TAF1B: variants seen among roughly 807,000 people sequenced by gnomAD.
TAF1B encodes TATA box-binding protein-associated factor RNA polymerase I subunit B.
In TAF1B, 61 loss-of-function variants were observed where a neutral mutation model predicts 83.9. The ratio of observed to expected loss-of-function variants is 0.73; its 90% confidence interval spans 0.59 to 0.90. The LOEUF is 0.90. Among genes scored for constraint, TAF1B ranks in the 40% least tolerant of loss-of-function variants. TAF1B has a pLI of 0.00. For missense variants in TAF1B, 625 were observed against 677.0 expected (o/e 0.92, Z 0.85); for synonymous variants, 221 against 224.6 (o/e 0.98, Z 0.14).
chr2:9,846,133 G>C, intron 2 of TAF1B: 1 of 468,848 alleles, frequency 2.1e-6, no homozygotes, highest in South Asian at 1.6e-5. Context: ...CCTATTGATA[G>C]GGCTCAGAAG....
chr2:9,869,294 G>A (rs1423124609), intron 6 of TAF1B, among the ~76,000 whole-genome samples: 4 of 151,698 alleles, frequency 2.6e-5, no homozygotes, highest in South Asian at 2.1e-4. Context: ...GTGCAATCTC[G>A]GCTCACTGCA....
At chr2:9,889,782 G>T (rs1013130508) in intron 8 of TAF1B, among the ~76,000 whole-genome samples, 32 of 152,042 alleles carry the variant, frequency 2.1e-4, no homozygotes, top group African/African-American at 7.7e-4. Context: ...GTTATTAATA[G>T]TCCCTTTTTT....
chr2:9,925,399 C>T (rs1360385316), intron 14 of TAF1B, among the ~76,000 whole-genome samples: 1 of 151,888 alleles, frequency 6.6e-6, no homozygotes, highest in Non-Finnish European at 1.5e-5. Context: ...AAGATTGTGC[C>T]ACTGCACTCC....
At chr2:9,911,418 A>C in intron 10 of TAF1B, 93 bp from the exon 11 acceptor site, 1 of 962,104 alleles carries the variant, frequency 1.0e-6, no homozygotes, top group African/African-American at 1.7e-5. Flanking sequence ...AATTTCAAAT[A>C]CTGTTCTACA....
chr2:9,892,303 C>G (rs1438926696), intron 8 of TAF1B, among the ~76,000 whole-genome samples: 1 of 152,174 alleles, frequency 6.6e-6, no homozygotes, highest in Non-Finnish European at 1.5e-5. Flanking sequence ...TGTAAGTACA[C>G]TCTTCACACA....
At chr2:9,869,914 T>G (rs1664113041) in intron 6 of TAF1B, among the ~76,000 whole-genome samples, 1 of 152,004 alleles carries the variant, frequency 6.6e-6, no homozygotes, top group South Asian at 2.1e-4. Flanking sequence ...AATATAAAAC[T>G]ATAAAATGCA....
intron 9 of TAF1B, among the ~76,000 whole-genome samples, chr2:9,908,149 C>A (rs1344669183): frequency 7.0e-6 from 1 of 142,336 alleles, no homozygotes; most frequent in Non-Finnish European, 1.5e-5. Flanking sequence ...ACGTTCACAC[C>A]ATTCTCCTGC....
chr2:9,932,830 G>A (rs540864546), intron 14 of TAF1B, among the ~76,000 whole-genome samples: 144 of 152,056 alleles, frequency 9.5e-4, no homozygotes, highest in African/African-American at 3.3e-3. Flanking sequence ...GGCTCTGCCC[G>A]GTTTGAGCTT....
At chr2:9,863,558 G>A (rs907952662) in intron 5 of TAF1B, among the ~76,000 whole-genome samples, 1 of 152,128 alleles carries the variant, frequency 6.6e-6, no homozygotes, top group Admixed American at 6.6e-5. Flanking sequence ...AGTTAACAAG[G>A]ATATCCAGGA....
intron 8 of TAF1B, among the ~76,000 whole-genome samples, chr2:9,890,930 CTGG>C (rs1664853171): frequency 6.6e-6 from 1 of 152,172 alleles, no homozygotes; most frequent in African/African-American, 2.4e-5. Flanking sequence ...GCCACCAATC[CTGG>C]CTACTTTTTT....
chr2:9,852,427 A>C (rs1185392991), intron 4 of TAF1B, among the ~76,000 whole-genome samples: 1 of 152,156 alleles, frequency 6.6e-6, no homozygotes, highest in Non-Finnish European at 1.5e-5. Context: ...GGTCCAGCCT[A>C]GTTGGGGAGA....
chr2:9,882,827 T>C, intron 8 of TAF1B, 22 bp downstream of exon 8: 1 of 1,529,772 alleles, frequency 6.5e-7, no homozygotes, highest in Non-Finnish European at 8.9e-7. Flanking sequence ...TCTTTTTTAC[T>C]TTCTAGTCTC....
In TAF1B at chr2:9,868,419, A is replaced by G. The variant is rs2125146389; in HGVS notation, c.543A>G (p.Ala181=). ...GAAAACCTTTCCCCGTCAGCAAAGC[A>G]TCACAATCAGGTAAAAATGAGAACC... ...HTRKPFPVSK[A]SQSETSVCSG... Residue 181 remains alanine (A), a synonymous_variant, in exon 6 of 15, where the codon GCA becomes GCG. Transcript: ENST00000263663. 6.2e-7 allele frequency: 1 copy of G among 1,611,328 alleles called. No homozygotes were observed. The highest frequency in any genetic ancestry group is 8.5e-7 in the Non-Finnish European group (1 of 1,178,532).
chr2:9,851,919 G>A, intron 4 of TAF1B: 1 of 563,774 alleles, frequency 1.8e-6, no homozygotes, highest in Non-Finnish European at 3.5e-6. Context: ...AATAACTTTG[G>A]GGGTTTATTA....
intron 8 of TAF1B, among the ~76,000 whole-genome samples, chr2:9,888,646 G>GC (rs1359819734): frequency 2.6e-5 from 4 of 151,588 alleles, no homozygotes; most frequent in Non-Finnish European, 5.9e-5. Flanking sequence ...ATGTCAATCT[G>GC]CTATAATTCT....
In TAF1B at chr2:9,895,128, C is replaced by G. The variant is rs1572259479; in HGVS notation, c.808-9731C>G. 3.3e-5 allele frequency among the ~76,000 whole-genome samples: 5 copies of G among 152,342 alleles called. No individual in the cohort carries two copies. The South Asian group carries it at 1.0e-3, about 32-fold the overall frequency. On this transcript the variant is annotated intron_variant, in intron 8 of 14. Transcript: ENST00000263663. ...AACGCGTTTCTAAAAAGGCCTCATC[C>G]TCAGGGCCAAGACTATATTTCACAT... is the stretch of plus-strand genomic sequence containing the variant.
At chr2:9,924,794 T>C (rs750687390) in intron 14 of TAF1B, among the ~76,000 whole-genome samples, 2 of 152,172 alleles carry the variant, frequency 1.3e-5, no homozygotes, top group Admixed American at 6.5e-5. Flanking sequence ...AAACAAAACA[T>C]TTGCTGTAAA....
intron 5 of TAF1B, among the ~76,000 whole-genome samples, chr2:9,866,996 T>G (rs1664001106): frequency 6.6e-6 from 1 of 151,930 alleles, no homozygotes; most frequent in Non-Finnish European, 1.5e-5. Context: ...AAATGACGAG[T>G]TAATGGGTGC....
At chr2:9,928,078 A>G (rs559015115) in intron 14 of TAF1B, among the ~76,000 whole-genome samples, 2 of 152,342 alleles carry the variant, frequency 1.3e-5, no homozygotes, top group East Asian at 3.9e-4. Context: ...AGCTTTCTAC[A>G]TATGGCTAGC....
Sources: gnomAD v4.1 joint callset for allele counts (sites outside exome capture counted in the v4.1 genomes callset) on GRCh38, gnomAD v4.1.1 for gene constraint, MANE v1.5 for transcripts, NCBI Gene and HGNC (gene_info 2026-07-23, HGNC 2026-07-21) for gene names.